The following EYA4 variants were observed in gnomAD, a reference collection of about 807,000 sequenced individuals.
EYA4 encodes the protein protein phosphatase EYA4.
In EYA4, 31 loss-of-function variants were observed where a neutral mutation model predicts 87.9. That is an observed-to-expected ratio of 0.35 (90% CI 0.27 to 0.48). The LOEUF is 0.48. EYA4 is among the 20% of genes least tolerant of loss of function. The pLI, the probability that EYA4 is intolerant of heterozygous loss-of-function variation, is 0.99. For synonymous variants in EYA4, 263 were observed against 270.6 expected, an observed-to-expected ratio of 0.97 and a Z score of 0.28; for missense variants, 678 against 761.4, an observed-to-expected ratio of 0.89 and a Z score of 1.29.
rs1335784881 is a variant in EYA4, at chr6:133,529,476, A to C, written c.*671A>C. 1.0e-6 allele frequency: 1 copy of C among 981,898 alleles called. No individual in the cohort carries two copies. Among genetic ancestry groups the C allele is most frequent in the Non-Finnish European group, 1.2e-6 (1 of 828,112 alleles). The allele number at this position is 981,898 out of a possible 1,614,324, so 60.8% of individuals were successfully genotyped here. A position where few individuals can be genotyped will look rare whatever the true frequency, so the allele number is the denominator to read the frequency against. On this transcript the variant is annotated 3_prime_UTR_variant, in exon 20 of 20. Coordinates refer to ENST00000355286, the MANE Select transcript of EYA4 (RefSeq NM_004100.5). Reference sequence around the variant, plus strand: ...TGTTGTGCCTTAAAGACAAGACAGCATTTGTGTGTTACAATGTAACTTTGG... The same window carrying C: ...TGTTGTGCCTTAAAGACAAGACAGCCTTTGTGTGTTACAATGTAACTTTGG...
At chr6:133,487,312 G>A (rs970689638) in intron 13 of EYA4, among the ~76,000 whole-genome samples, 3 of 152,154 alleles carry the variant, frequency 2.0e-5, no homozygotes, top group Non-Finnish European at 2.9e-5. Context: ...CACAAGGACC[G>A]CAATTCCTGG....
At chr6:133,291,958 T>G (rs1778524883) in intron 2 of EYA4, among the ~76,000 whole-genome samples, 1 of 152,198 alleles carries the variant, frequency 6.6e-6, no homozygotes, top group African/African-American at 2.4e-5. Context: ...TTTTTTCGTT[T>G]GTTTGCTTAA....
intron 1 of EYA4, among the ~76,000 whole-genome samples, chr6:133,258,858 A>G (rs1183184526): frequency 2.6e-5 from 4 of 152,134 alleles, no homozygotes; most frequent in East Asian, 1.9e-4. Context: ...TCCCCCTTCA[A>G]TTTTACTGAA....
chr6:133,382,576 A>T, intron 3 of EYA4, 135 bp downstream of exon 3: 1 of 777,150 alleles, frequency 1.3e-6, no homozygotes, highest in South Asian at 1.4e-5. Context: ...TGGAAACTGT[A>T]TATCATGCTG....
At chr6:133,476,329 TG>T (rs1383083700) in intron 11 of EYA4, among the ~76,000 whole-genome samples, 3 of 152,070 alleles carry the variant, frequency 2.0e-5, no homozygotes, top group African/African-American at 7.2e-5. Flanking sequence ...AGTAACATGT[TG>T]TATAATAGAT....
chr6:133,430,647 A>G (rs1791101882), intron 3 of EYA4, among the ~76,000 whole-genome samples: 1 of 152,226 alleles, frequency 6.6e-6, no homozygotes. Flanking sequence ...CAATAAAACT[A>G]TGCCACAAAA....
intron 3 of EYA4, among the ~76,000 whole-genome samples, chr6:133,397,742 C>T (rs1350884503): frequency 1.3e-5 from 2 of 152,184 alleles, no homozygotes; most frequent in Non-Finnish European, 2.9e-5. Flanking sequence ...TACAGCTCCA[C>T]GTGCCTGGGG....
chr6:133,318,751 C>T (rs1369045064), intron 2 of EYA4, among the ~76,000 whole-genome samples: 3 of 151,962 alleles, frequency 2.0e-5, no homozygotes, highest in Non-Finnish European at 4.4e-5. Flanking sequence ...ACACATATCA[C>T]TCGTATTTAT....
intron 13 of EYA4, among the ~76,000 whole-genome samples, chr6:133,504,522 A>G (rs1264324920): frequency 6.6e-6 from 1 of 152,134 alleles, no homozygotes; most frequent in Non-Finnish European, 1.5e-5. Flanking sequence ...CTCTATCTTC[A>G]CTCACATCGT....
chr6:133,286,147 TGAA>T (rs1778040792), intron 2 of EYA4, among the ~76,000 whole-genome samples: 1 of 152,088 alleles, frequency 6.6e-6, no homozygotes, highest in Non-Finnish European at 1.5e-5. Context: ...CCTAGGGTGA[TGAA>T]GGAGGAGGAG....
intron 5 of EYA4, among the ~76,000 whole-genome samples, chr6:133,451,437 TC>T (rs1793431711): frequency 1.3e-5 from 2 of 152,200 alleles, no homozygotes; most frequent in African/African-American, 4.8e-5. Context: ...AATTCCAGAT[TC>T]TAATTTGCTG....
intron 3 of EYA4, among the ~76,000 whole-genome samples, chr6:133,440,222 C>T (rs1314927419): frequency 6.9e-6 from 1 of 144,624 alleles, no homozygotes; most frequent in Admixed American, 7.1e-5. Context: ...TATAATGTGC[C>T]TATATAAAAA....
chr6:133,313,262 A>T (rs928213370), intron 2 of EYA4, among the ~76,000 whole-genome samples: 14 of 152,170 alleles, frequency 9.2e-5, no homozygotes, highest in African/African-American at 3.4e-4. Context: ...GTGGAGTAGG[A>T]AAGTTTGCTC....
intron 3 of EYA4, among the ~76,000 whole-genome samples, chr6:133,445,981 A>G (rs1450739170): frequency 6.6e-6 from 1 of 152,172 alleles, no homozygotes; most frequent in Non-Finnish European, 1.5e-5. Flanking sequence ...TCAAAGTCCT[A>G]TTCCTGAATG....
chr6:133,334,416 C>A (rs1016409960), intron 2 of EYA4, among the ~76,000 whole-genome samples: 3 of 152,136 alleles, frequency 2.0e-5, no homozygotes, highest in African/African-American at 7.2e-5. Flanking sequence ...GTGATTTGTT[C>A]ATTTGCAGGT....
chr6:133,473,962 T>A (rs1472046489), intron 11 of EYA4, among the ~76,000 whole-genome samples: 1 of 152,076 alleles, frequency 6.6e-6, no homozygotes, highest in African/African-American at 2.4e-5. Flanking sequence ...TCAAGGATCT[T>A]ACTTTCATTC....
At chr6:133,514,717 A>G (rs541525098) in intron 16 of EYA4, among the ~76,000 whole-genome samples, 18 of 152,318 alleles carry the variant, frequency 1.2e-4, no homozygotes, top group African/African-American at 3.1e-4. Flanking sequence ...TTTAACATCA[A>G]TATTATAATT....
intron 3 of EYA4, chr6:133,435,486 G>A (rs1257252283): frequency 6.6e-6 from 1 of 152,416 alleles, no homozygotes; most frequent in African/African-American, 2.4e-5. Flanking sequence ...ATGGGTTGGT[G>A]AGGGCCTCCT....
At chr6:133,330,665 G>C (rs1171330507) in intron 2 of EYA4, among the ~76,000 whole-genome samples, 1 of 151,510 alleles carries the variant, frequency 6.6e-6, no homozygotes, top group Non-Finnish European at 1.5e-5. Context: ...TGTTTAGCTG[G>C]TAATTTTTGG....
Sources: allele counts gnomAD v4.1 joint callset (sites outside exome capture counted in the v4.1 genomes callset), GRCh38; gene constraint gnomAD v4.1.1; transcripts MANE v1.5; gene names NCBI Gene and HGNC (gene_info 2026-07-23, HGNC 2026-07-21).